LAMC2: variants seen among roughly 807,000 people sequenced by gnomAD.
The protein encoded by LAMC2 is laminin subunit gamma 2.
In LAMC2, 97 loss-of-function variants were observed where a neutral mutation model predicts 140.2. The observed-to-expected ratio is 0.69, with a 90% CI of 0.59 to 0.82. The LOEUF (loss-of-function observed/expected upper bound fraction) is 0.82, where lower values mean the gene tolerates loss of function less well. Ranked by LOEUF, LAMC2 falls within the 40% of genes least tolerant of loss-of-function variation. LAMC2 has a pLI of 0.00. For missense variants in LAMC2, 1,402 were observed against 1,476.1 expected (o/e 0.95, Z 0.82); for synonymous variants, 513 against 540.2 (o/e 0.95, Z 0.70).
chr1:183,191,193 T>TA (rs368846099), intron 1 of LAMC2, among the ~76,000 whole-genome samples: 47,488 of 138,418 alleles, frequency 0.34, 7,748 homozygotes, highest in East Asian at 0.48. Context: ...TTAAGTATGA[T>TA]CTTTTTTTTC....
chr1:183,240,120 G>C lies in LAMC2; in HGVS notation c.3150G>C (p.Lys1050Asn), dbSNP rs1463695448. 1 of 1,614,094 alleles carries C rather than the reference G, an allele frequency of 6.2e-7. No individual in the cohort carries two copies. Among genetic ancestry groups the C allele is most frequent in the Non-Finnish European group, 8.5e-7 (1 of 1,180,032 alleles). The change falls in exon 21 of 23, where the codon AAG becomes AAC. Residue 1050 changes from lysine (K) to asparagine (N), a missense_variant. Around this residue, in one of 3 missense-constraint regions of LAMC2, gnomAD observed 670 missense variants for 667.2 expected, o/e 1.00. Coordinates refer to ENST00000264144, the MANE Select transcript of LAMC2 (RefSeq NM_005562.3). ...TGGAAAAGGGACTGGCCTCTCTGAA[G>C]AGTGAGATGAGGGAAGTGGAAGGAG... is the stretch of plus-strand genomic sequence containing the variant. ...LAMEKGLASL[K>N]SEMREVEGEL...
rs1033202505 is a variant in LAMC2 at position 183,230,826 on chromosome 1, T to C, written c.1715-135T>C. On this transcript the variant is annotated intron_variant, in intron 11 of 22. Coordinates refer to ENST00000264144, the MANE Select transcript of LAMC2 (RefSeq NM_005562.3). ...TGCCACATGATTCCTAAGACCTATCTGTATTAAGAAGGTGCATGGAGGTAT... is the reference window on the plus strand; with the variant it reads ...TGCCACATGATTCCTAAGACCTATCCGTATTAAGAAGGTGCATGGAGGTAT... 3.5e-5 allele frequency: 34 copies of C among 981,900 alleles called. No individual in the cohort carries two copies. The African/African-American group carries it at 4.9e-4, about 14-fold the overall frequency. The allele number at this position is 981,900 out of a possible 1,614,324, so 60.8% of individuals were successfully genotyped here.
downstream of LAMC2, among the ~76,000 whole-genome samples, chr1:183,246,564 A>C (rs947301900): frequency 2.0e-5 from 3 of 152,234 alleles, no homozygotes; most frequent in East Asian, 5.8e-4. Flanking sequence ...AAGGGGTGGA[A>C]ATGAAACTGC....
chr1:183,217,448 A>G (rs536492870), intron 3 of LAMC2, among the ~76,000 whole-genome samples: 1 of 152,336 alleles, frequency 6.6e-6, no homozygotes, highest in East Asian at 1.9e-4. Flanking sequence ...GAGAAATGAG[A>G]AGGTAGATAT....
Position 183,231,042 on chromosome 1 carries a change from G to A in LAMC2, c.1796G>A (p.Gly599Asp). ...TGTGTTTGCAAGCCAGGATTTGGTG[G>A]CCCCAACTGTGAGCATGGAGCATTC... ...GTCVCKPGFG[G>D]PNCEHGAFSC... The change falls in exon 12 of 23, where the codon GGC (glycine) becomes GAC (aspartate). Residue 599 changes from glycine to aspartate, a missense_variant. Physicochemically the swap from Gly to Asp is moderately conservative, Grantham distance 94. Transcript: ENST00000264144. 2 of 1,614,030 alleles carry A rather than the reference G, an allele frequency of 1.2e-6. No homozygotes were observed. The highest frequency in any genetic ancestry group is 1.7e-6 in the Non-Finnish European group (2 of 1,179,984).
rs1658181031 is a variant in LAMC2, at chr1:183,187,207, T to A, written c.79+776T>A. On this transcript the variant is annotated intron_variant, in intron 1 of 22. Coordinates refer to ENST00000264144, the MANE Select transcript of LAMC2 (RefSeq NM_005562.3). Reference sequence around the variant, plus strand: ...TTTTATGTTTATATTGCATCCTGCATCTGATGGCGTTTCAATCATTCTTTC... The same window carrying A: ...TTTTATGTTTATATTGCATCCTGCAACTGATGGCGTTTCAATCATTCTTTC... 2.0e-5 allele frequency among the ~76,000 whole-genome samples: 3 copies of A among 152,260 alleles called. No individual in the cohort carries two copies. In the South Asian group the frequency reaches 6.2e-4, roughly 32 times the overall value.
chr1:183,236,179 A>T (rs553009943), intron 16 of LAMC2, among the ~76,000 whole-genome samples: 1 of 152,140 alleles, frequency 6.6e-6, no homozygotes, highest in South Asian at 2.1e-4. Context: ...TCTTCTGGTT[A>T]TTCTAACTAC....
intron 22 of LAMC2, chr1:183,241,233 GC>G: frequency 5.6e-6 from 5 of 900,018 alleles, no homozygotes; most frequent in Non-Finnish European, 6.6e-6. Flanking sequence ...GGGGAACAGA[GC>G]AAGACTGTCT....
At chr1:183,208,682 TTTG>T (rs1658977146) in intron 2 of LAMC2, among the ~76,000 whole-genome samples, 1 of 151,998 alleles carries the variant, frequency 6.6e-6, no homozygotes, top group Non-Finnish European at 1.5e-5. Flanking sequence ...GTTTTTTTGT[TTTG>T]TTTTGTTTTT....
At chr1:183,240,507 G>T in intron 22 of LAMC2, 116 bp downstream of exon 22, 6 of 1,493,958 alleles carry the variant, frequency 4.0e-6, no homozygotes, top group Non-Finnish European at 5.3e-6. Flanking sequence ...AAGGATATCA[G>T]TAAATGTGCT....
chr1:183,188,850 G>A (rs1233388079), intron 1 of LAMC2, among the ~76,000 whole-genome samples: 4 of 152,204 alleles, frequency 2.6e-5, no homozygotes, highest in Admixed American at 6.5e-5. Flanking sequence ...AAAGAGATAA[G>A]AAAGATACTA....
At chr1:183,223,452 A>G in intron 7 of LAMC2, 128 bp downstream of exon 7, 1 of 856,918 alleles carries the variant, frequency 1.2e-6, no homozygotes, top group Non-Finnish European at 1.9e-6. Flanking sequence ...ACGTACCATG[A>G]AGGTTGCTAT....
rs374116265 is a variant in LAMC2 at position 183,226,837 on chromosome 1, A to G, written c.1206A>G (p.Arg402=). The G allele has an allele frequency of 8.1e-6, 13 of 1,614,086 alleles. No homozygotes were observed. Among genetic ancestry groups the G allele is most frequent in the Non-Finnish European group, 1.1e-5 (13 of 1,180,046 alleles). ...FCQDCASGYK[R]DSARLGPFGT... ...AGGATTGTGCTTCTGGCTACAAGAGAGATTCAGCGAGACTGGGGCCTTTTG... is the reference window on the plus strand; with the variant it reads ...AGGATTGTGCTTCTGGCTACAAGAGGGATTCAGCGAGACTGGGGCCTTTTG... The change falls in exon 9 of 23, where the codon AGA becomes AGG. Residue 402 remains arginine, a synonymous_variant. Coordinates refer to ENST00000264144, the MANE Select transcript of LAMC2 (RefSeq NM_005562.3).
intron 3 of LAMC2, among the ~76,000 whole-genome samples, 200 bp from the exon 4 acceptor site, chr1:183,218,190 C>T (rs989640295): frequency 3.9e-5 from 6 of 152,328 alleles, no homozygotes; most frequent in South Asian, 4.1e-4. Flanking sequence ...CCACCAAGTA[C>T]ACTCTGAGCA....
chr1:183,215,282 A>G (rs947563630), intron 2 of LAMC2, among the ~76,000 whole-genome samples, 171 bp from the exon 3 acceptor site: 3 of 152,216 alleles, frequency 2.0e-5, no homozygotes, highest in African/African-American at 7.2e-5. Context: ...CTCAGCTGTC[A>G]GCACCATCCC....
At chr1:183,221,136 A>G (rs1261314935) in intron 5 of LAMC2, among the ~76,000 whole-genome samples, 175 bp downstream of exon 5, 2 of 152,250 alleles carry the variant, frequency 1.3e-5, no homozygotes, top group Admixed American at 1.3e-4. Flanking sequence ...TGAAAAAGTC[A>G]TAGGCTGAAA....
At chr1:183,190,731 A>C (rs1231619393) in intron 1 of LAMC2, among the ~76,000 whole-genome samples, 11 of 152,206 alleles carry the variant, frequency 7.2e-5, no homozygotes, top group Admixed American at 7.2e-4. Flanking sequence ...AGATATATTG[A>C]AAGTCACATA....
chr1:183,240,457 C>T lies in LAMC2; in HGVS notation c.3328+66C>T, dbSNP rs947233054. The T allele has an allele frequency of 1.3e-5, 20 of 1,597,344 alleles. No individual in the cohort carries two copies. The South Asian group carries it at 1.7e-4, about 14-fold the overall frequency. ...CCAGGGCTTTGCTCCAGAACACTCA[C>T]TATACCTAGCCCCAGCAAAGGGGAG... On this transcript the variant is annotated intron_variant, in intron 22 of 22. Transcript: ENST00000264144.
chr1:183,256,851 A>G, the LAMC2 span, among the ~76,000 whole-genome samples: 1 of 152,046 alleles, frequency 6.6e-6, no homozygotes, highest in Non-Finnish European at 1.5e-5. Context: ...TTCTGGGTTC[A>G]AGTGATTCTT....
Sources: gnomAD v4.1 joint callset for allele counts (sites outside exome capture counted in the v4.1 genomes callset) on GRCh38, gnomAD v4.1.1 for gene constraint, gnomAD v4.1.1 regional missense constraint, MANE v1.5 for transcripts, NCBI Gene and HGNC (gene_info 2026-07-23, HGNC 2026-07-21) for gene names.